AGMO: variants seen among roughly 807,000 people sequenced by gnomAD.
AGMO encodes glyceryl-ether monooxygenase.
In AGMO, 75 loss-of-function variants were observed where a neutral mutation model predicts 60.2. The observed-to-expected ratio is 1.25, with a 90% CI of 1.03 to 1.51. AGMO has a LOEUF of 1.51. Ranked by LOEUF, AGMO falls within the 40% of genes most tolerant of loss-of-function variation. The probability of loss-of-function intolerance (pLI) is 0.00; values close to 1 mark genes in which losing one functional copy is unlikely to be tolerated. For missense variants in AGMO, 763 were observed against 525.5 expected (o/e 1.45, Z -4.42); for synonymous variants, 261 against 177.1 (o/e 1.47, Z -3.76).
chr7:15,540,818 A>G (rs1045404825), intron 3 of AGMO, among the ~76,000 whole-genome samples: 7 of 152,182 alleles, frequency 4.6e-5, no homozygotes, highest in African/African-American at 1.4e-4. Flanking sequence ...CATTGGTGAC[A>G]TTATTTATGA....
chr7:15,527,716 G>T (rs1248181857), intron 3 of AGMO, among the ~76,000 whole-genome samples: 1 of 152,138 alleles, frequency 6.6e-6, no homozygotes, highest in Non-Finnish European at 1.5e-5. Flanking sequence ...AAGCTTCAAA[G>T]AACAGGCTGA....
chr7:15,325,189 T>C (rs1583410171), intron 12 of AGMO, among the ~76,000 whole-genome samples: 1 of 152,146 alleles, frequency 6.6e-6, no homozygotes, highest in African/African-American at 2.4e-5. Context: ...TTTAGTTTCA[T>C]GCAGTCATGT....
intron 12 of AGMO, among the ~76,000 whole-genome samples, chr7:15,333,602 T>TAA (rs199764355): frequency 1.2e-4 from 16 of 128,330 alleles, no homozygotes; most frequent in African/African-American, 3.7e-4. Context: ...CTACTGAATT[T>TAA]AAAAAAAAAA....
chr7:15,366,684 G>T (rs554013980), intron 10 of AGMO, among the ~76,000 whole-genome samples: 1 of 151,874 alleles, frequency 6.6e-6, no homozygotes, highest in Non-Finnish European at 1.5e-5. Context: ...TATATATAAA[G>T]GAGATTACAC....
At chr7:15,527,596 A>G (rs910362595) in intron 3 of AGMO, among the ~76,000 whole-genome samples, 1 of 152,222 alleles carries the variant, frequency 6.6e-6, no homozygotes, top group African/African-American at 2.4e-5. Flanking sequence ...CAGAAGATCT[A>G]GCTAAGACCA....
the AGMO span, among the ~76,000 whole-genome samples, chr7:15,144,043 C>T: frequency 6.6e-6 from 1 of 152,234 alleles, no homozygotes; most frequent in African/African-American, 2.4e-5. Flanking sequence ...ACCTATTGAA[C>T]TATTTTAAAT....
chr7:15,551,968 A>G (rs1417445626), intron 2 of AGMO, among the ~76,000 whole-genome samples: 1 of 151,968 alleles, frequency 6.6e-6, no homozygotes, highest in African/African-American at 2.4e-5. Context: ...GTACCAAAAC[A>G]GAGATATAGA....
intron 3 of AGMO, among the ~76,000 whole-genome samples, chr7:15,515,514 C>A (rs1036251172): frequency 2.6e-5 from 4 of 152,138 alleles, no homozygotes; most frequent in African/African-American, 9.7e-5. Flanking sequence ...CGTGGATGTA[C>A]GTTTTGGCTT....
the AGMO span, among the ~76,000 whole-genome samples, chr7:15,122,694 T>G: frequency 1.3e-5 from 2 of 152,026 alleles, no homozygotes; most frequent in African/African-American, 4.8e-5. Flanking sequence ...TCACATCCAT[T>G]CTCTAAGAAA....
At chr7:15,273,089 C>CTGAT (rs1267777952) in intron 12 of AGMO, among the ~76,000 whole-genome samples, 2 of 152,162 alleles carry the variant, frequency 1.3e-5, no homozygotes, top group Admixed American at 6.5e-5. Context: ...CCTGCTCACT[C>CTGAT]TGATGGTGGT....
intron 3 of AGMO, among the ~76,000 whole-genome samples, chr7:15,521,320 A>G (rs1783978794): frequency 6.6e-6 from 1 of 152,186 alleles, no homozygotes; most frequent in South Asian, 2.1e-4. Flanking sequence ...CAACAGAAAA[A>G]GAAGGAATCC....
At chr7:15,261,525 A>G in intron 12 of AGMO, among the ~76,000 whole-genome samples, 1 of 151,954 alleles carries the variant, frequency 6.6e-6, no homozygotes, top group Admixed American at 6.6e-5. Flanking sequence ...TTGTCAACAC[A>G]CAAAAAAAGT....
chr7:15,218,305 C>T (rs1437548025), intron 12 of AGMO, among the ~76,000 whole-genome samples: 1 of 146,268 alleles, frequency 6.8e-6, no homozygotes, highest in Admixed American at 6.9e-5. Context: ...GACATTAATA[C>T]TATATTGACT....
chr7:15,268,897 G>C (rs904605201), intron 12 of AGMO, among the ~76,000 whole-genome samples: 2 of 151,966 alleles, frequency 1.3e-5, no homozygotes, highest in African/African-American at 4.8e-5. Context: ...ATCTTACTAG[G>C]ACTTGTAGTA....
the AGMO span, among the ~76,000 whole-genome samples, chr7:15,166,703 G>T: frequency 6.6e-6 from 1 of 152,196 alleles, no homozygotes; most frequent in Non-Finnish European, 1.5e-5. Context: ...AAGCAGTGAA[G>T]GTGATGAGTG....
intron 3 of AGMO, among the ~76,000 whole-genome samples, chr7:15,522,492 C>G (rs1784023750): frequency 6.6e-6 from 1 of 151,978 alleles, no homozygotes; most frequent in Admixed American, 6.6e-5. Flanking sequence ...GTACTAGTAC[C>G]AAAACAGGTA....
intron 10 of AGMO, among the ~76,000 whole-genome samples, chr7:15,367,585 G>C (rs1466469527): frequency 2.0e-5 from 3 of 152,066 alleles, no homozygotes; most frequent in Non-Finnish European, 4.4e-5. Context: ...GATGACAGTA[G>C]AATACATATG....
At chr7:15,188,377 T>C in the AGMO span, among the ~76,000 whole-genome samples, 7 of 152,204 alleles carry the variant, frequency 4.6e-5, no homozygotes, top group Non-Finnish European at 5.9e-5. Context: ...CTAAGAAGAA[T>C]AGCTGGTACA....
chr7:15,151,551 T>C, the AGMO span, among the ~76,000 whole-genome samples: 4 of 152,162 alleles, frequency 2.6e-5, no homozygotes, highest in Non-Finnish European at 5.9e-5. Flanking sequence ...TCTGTTTTAA[T>C]TTAATTGTTT....
Sources: gnomAD v4.1 joint callset for allele counts (sites outside exome capture counted in the v4.1 genomes callset) on GRCh38, gnomAD v4.1.1 for gene constraint, MANE v1.5 for transcripts, NCBI Gene and HGNC (gene_info 2026-07-23, HGNC 2026-07-21) for gene names.